The following DNM1 variants were observed in gnomAD, a reference collection of about 807,000 sequenced individuals.
DNM1 encodes the protein dynamin-1.
Under a neutral mutation model 104.6 loss-of-function variants are expected in DNM1, and 29 were observed. That is an observed-to-expected ratio of 0.28 (90% CI 0.21 to 0.38). The LOEUF is 0.38. DNM1 is among the 10% of genes least tolerant of loss of function. The pLI, the probability that DNM1 is intolerant of heterozygous loss-of-function variation, is 1.00. For synonymous variants in DNM1, 445 were observed against 475.8 expected (o/e 0.94, Z 0.84); for missense variants, 640 against 1,189.4 (o/e 0.54, Z 6.79).
At chr9:128,244,452 C>T (rs930345617) in intron 15 of DNM1, among the ~76,000 whole-genome samples, 4 of 152,088 alleles carry the variant, frequency 2.6e-5, no homozygotes, top group Non-Finnish European at 5.9e-5. Context: ...TCTACTCAAC[C>T]ACCAGCCCTC....
Position 128,254,075 on chromosome 9 carries a change from A to T in DNM1, c.2535-579A>T, listed in dbSNP as rs903075064. ...CAGCTGAGGCTCCCCTCTTAGACTT[A>T]TAAGTCTATGGCCACTGGCATCCGG... On this transcript the variant is annotated intron_variant, in intron 21 of 21. Coordinates refer to ENST00000372923, the MANE Select transcript of DNM1 (RefSeq NM_004408.4). This position sits in a 1 kb window ranked among gnomAD's most constrained non-coding sequence, Gnocchi z 6.1. 6 of 1,248,014 alleles carry T rather than the reference A, an allele frequency of 4.8e-6. No homozygotes were observed. The highest frequency in any genetic ancestry group is 4.2e-5 in the Admixed American group (1 of 23,844). 77.3% of individuals were successfully genotyped at this position (1,248,014 alleles called of 1,614,324 possible).
At chr9:128,216,895 G>A (rs998740844) in intron 1 of DNM1, among the ~76,000 whole-genome samples, 11 of 152,140 alleles carry the variant, frequency 7.2e-5, no homozygotes, top group Non-Finnish European at 7.4e-5. Context: ...ATGGTCCCTC[G>A]GGCTTCAACC....
intron 10 of DNM1, chr9:128,232,039 C>G (rs777618306): frequency 8.8e-6 from 4 of 456,602 alleles, no homozygotes; most frequent in African/African-American, 2.0e-5. Flanking sequence ...AAAAGATGCT[C>G]AAAGGGGACA....
At chr9:128,209,987 G>C (rs1834192155) in intron 1 of DNM1, among the ~76,000 whole-genome samples, 1 of 152,198 alleles carries the variant, frequency 6.6e-6, no homozygotes, top group African/African-American at 2.4e-5. Flanking sequence ...CCAGGCCTAA[G>C]GGCAGTACTG....
intron 21 of DNM1, chr9:128,252,139 T>C (rs1351153097): frequency 4.9e-6 from 1 of 202,440 alleles, no homozygotes; most frequent in Non-Finnish European, 1.0e-5. Flanking sequence ...TCTGCCTTTT[T>C]CCCAGGGCGG....
intron 1 of DNM1, among the ~76,000 whole-genome samples, chr9:128,217,845 T>C (rs1834705494): frequency 1.3e-5 from 2 of 152,178 alleles, no homozygotes; most frequent in Non-Finnish European, 2.9e-5. Context: ...TACAGCTCTG[T>C]TTCCTGGGAT....
At chr9:128,249,399 G>A (rs1336550222) in intron 19 of DNM1, among the ~76,000 whole-genome samples, 2 of 151,964 alleles carry the variant, frequency 1.3e-5, no homozygotes, top group East Asian at 3.9e-4. Context: ...GTTCATGCCT[G>A]TAATCCCAGC....
At position 128,224,508 on chromosome 9, in the gene DNM1, T is replaced by G. The variant is rs982642504; in HGVS notation, c.1335+119T>G. 3 of 988,744 alleles carry G rather than the reference T, an allele frequency of 3.0e-6. No individual in the cohort carries two copies. Among genetic ancestry groups the G allele is most frequent in the Admixed American group, 2.8e-5 (1 of 35,858 alleles). 61.2% of individuals were successfully genotyped at this position (988,744 alleles called of 1,614,324 possible). On this transcript the variant is annotated intron_variant, in intron 10 of 21. Transcript: ENST00000372923. The surrounding 1 kb of genome is among the most constrained non-coding windows in gnomAD (Gnocchi z 4.3). Reference sequence around the variant, plus strand: ...GTAGCATGTACAGACCTCAGCGGGGTGGGGAGGCAGGCCACCACTGAATAG... The same window carrying G: ...GTAGCATGTACAGACCTCAGCGGGGGGGGGAGGCAGGCCACCACTGAATAG...
chr9:128,225,884 CTCTTTA>C, intron 10 of DNM1: 1 of 717,252 alleles, frequency 1.4e-6, no homozygotes, highest in South Asian at 1.8e-5. Flanking sequence ...TTCTCTCTCT[CTCTTTA>C]TCTGTGTCGA....
At position 128,253,220 on chromosome 9, in the gene DNM1, C is replaced by T; in HGVS notation, c.2535-1434C>T. 2.9e-6 allele frequency: 4 copies of T among 1,374,580 alleles called. No homozygotes were observed. In the South Asian group the frequency reaches 4.7e-5, roughly 16 times the overall value. The allele number at this position is 1,374,580 out of a possible 1,614,324, so 85.1% of individuals were successfully genotyped here. A position where few individuals can be genotyped will look rare whatever the true frequency, so the allele number is the denominator to read the frequency against. On this transcript the variant is annotated intron_variant, in intron 21 of 21. Transcript: ENST00000372923. The surrounding 1 kb of genome is among the most constrained non-coding windows in gnomAD (Gnocchi z 5.9). ...CTCCACACGGGGCGCGCACCTGGGA[C>T]CTCAGAGCCAGGCTCCCCGCCCCTC...
In DNM1 at chr9:128,239,877, G is replaced by A; in HGVS notation, c.1545+98G>A. On this transcript the variant is annotated intron_variant, in intron 13 of 21. Coordinates refer to ENST00000372923, the MANE Select transcript of DNM1 (RefSeq NM_004408.4). ...CCCCTGAGGGGAAGGGTCCCACGGG[G>A]GCCAGGGACCTGTCAGCTGCCAGCC... The A allele has an allele frequency of 3.2e-6, 5 of 1,565,598 alleles. No individual in the cohort carries two copies. The South Asian group carries it at 5.6e-5, about 17-fold the overall frequency.
intron 1 of DNM1, among the ~76,000 whole-genome samples, chr9:128,208,645 C>T (rs932722107): frequency 2.6e-5 from 4 of 152,148 alleles, no homozygotes; most frequent in Admixed American, 6.5e-5. Context: ...TGCTGTGTGC[C>T]AGGCCCTGAG....
chr9:128,206,335 G>A (rs529463631), intron 1 of DNM1, among the ~76,000 whole-genome samples: 2 of 152,306 alleles, frequency 1.3e-5, no homozygotes, highest in African/African-American at 2.4e-5. Context: ...GAACTTGTCT[G>A]GGTCTATACT....
chr9:128,232,178 CCTT>C (rs1835736213), intron 10 of DNM1: 1 of 398,748 alleles, frequency 2.5e-6, no homozygotes, highest in Non-Finnish European at 5.1e-6. Flanking sequence ...CCTCCTCCCT[CCTT>C]CTCCCTGCTC....
intron 11 of DNM1, among the ~76,000 whole-genome samples, chr9:128,235,145 G>A (rs1588412775): frequency 6.6e-6 from 1 of 152,018 alleles, no homozygotes; most frequent in Non-Finnish European, 1.5e-5. Context: ...GAGTCATACA[G>A]TATCTGTCAC....
rs1357100019 is a variant in DNM1, at chr9:128,245,489, C to G, written c.1672-905C>G. Among the ~76,000 whole-genome samples the G allele has an allele frequency of 6.6e-6, 1 of 152,060 alleles. No homozygotes were observed. The highest frequency in any genetic ancestry group is 1.5e-5 in the Non-Finnish European group (1 of 68,000). ...GTACCTCCTCCCTAGATCCCTGAAC[C>G]CCTCCCCTGGGACACAGCAGCCTAC... On this transcript the variant is annotated intron_variant, in intron 15 of 21. Transcript: ENST00000372923. The surrounding 1 kb of genome is among the most constrained non-coding windows in gnomAD (Gnocchi z 5.2).
At chr9:128,246,639 T>C (rs367696602) in intron 16 of DNM1, 136 bp downstream of exon 16, 15 of 642,236 alleles carry the variant, frequency 2.3e-5, no homozygotes, top group Admixed American at 9.6e-5. Context: ...CAGATGCTTA[T>C]TGAGTTCCTG....
At position 128,248,494 on chromosome 9, in the gene DNM1, G is replaced by C; in HGVS notation, c.1906-89G>C. The C allele has an allele frequency of 1.3e-6, 2 of 1,487,654 alleles. No individual in the cohort carries two copies. The highest frequency in any genetic ancestry group is 2.8e-5 in the African/African-American group (2 of 72,160). 92.2% of individuals were successfully genotyped at this position (1,487,654 alleles called of 1,614,324 possible). A position where few individuals can be genotyped will look rare whatever the true frequency, so the allele number is the denominator to read the frequency against. The stretch of plus-strand genomic sequence containing the variant: ...CTTCTCTCTGTGCCTCAATATTCTG[G>C]GTACCCTTGGAGGGGCTGAGATCCT... On this transcript the variant is annotated intron_variant, in intron 18 of 21. Coordinates refer to ENST00000372923, the MANE Select transcript of DNM1 (RefSeq NM_004408.4). The surrounding 1 kb of genome is among the most constrained non-coding windows in gnomAD (Gnocchi z 5.6).
rs1301216823 is a variant in DNM1 at position 128,243,546 on chromosome 9, CT to C, written c.1671+1202del. On this transcript the variant is annotated intron_variant, in intron 15 of 21. Coordinates refer to ENST00000372923, the MANE Select transcript of DNM1 (RefSeq NM_004408.4). The surrounding 1 kb of genome is among the most constrained non-coding windows in gnomAD (Gnocchi z 4.0). ...GGCGGGGGCGCCAAGCCATCTGGAC[CT>C]CATTACCCCAACCCTGGCCTCCCCC... Among the ~76,000 whole-genome samples, 4 of 152,210 alleles carry C rather than the reference CT, an allele frequency of 2.6e-5. No individual in the cohort carries two copies. The highest frequency in any genetic ancestry group is 4.4e-5 in the Non-Finnish European group (3 of 68,028).
Sources: gnomAD v4.1 joint callset for allele counts (sites outside exome capture counted in the v4.1 genomes callset) on GRCh38, gnomAD v4.1.1 for gene constraint, Gnocchi (gnomAD v3.1) non-coding constraint, MANE v1.5 for transcripts, NCBI Gene and HGNC (gene_info 2026-07-23, HGNC 2026-07-21) for gene names.